RBFOX1: variants seen among roughly 807,000 people sequenced by gnomAD.
RBFOX1 encodes the protein RNA binding fox-1 homolog 1.
Under a neutral mutation model 57.7 loss-of-function variants are expected in RBFOX1, and 8 were observed. The ratio of observed to expected loss-of-function variants is 0.14; its 90% confidence interval spans 0.08 to 0.25. The LOEUF (loss-of-function observed/expected upper bound fraction) is 0.25. Ranked by LOEUF, RBFOX1 falls within the 10% of genes least tolerant of loss-of-function variation. RBFOX1 has a pLI of 1.00. For synonymous variants in RBFOX1, 326 were observed against 222.4 expected (o/e 1.47, Z -4.15); for missense variants, 611 against 548.5 (o/e 1.11, Z -1.14).
chr16:6,544,197 G>C (rs1429386041), intron 2 of RBFOX1, among the ~76,000 whole-genome samples: 1 of 152,138 alleles, frequency 6.6e-6, no homozygotes, highest in Non-Finnish European at 1.5e-5. Context: ...CTGTTGAACA[G>C]GCATTCACTT....
intron 12 of RBFOX1, among the ~76,000 whole-genome samples, chr16:7,654,846 C>G (rs1327643868): frequency 6.6e-6 from 1 of 152,136 alleles, no homozygotes; most frequent in Non-Finnish European, 1.5e-5. Flanking sequence ...ATGCTATGTC[C>G]TCTATTGGGT....
intron 4 of RBFOX1, among the ~76,000 whole-genome samples, chr16:7,235,915 G>A (rs1603425827): frequency 6.6e-6 from 1 of 152,142 alleles, no homozygotes; most frequent in East Asian, 1.9e-4. Context: ...GCCCTCCTGT[G>A]AATGTTCTCT....
chr16:6,826,905 C>T (rs2092219799), intron 3 of RBFOX1, among the ~76,000 whole-genome samples: 1 of 152,124 alleles, frequency 6.6e-6, no homozygotes, highest in Non-Finnish European at 1.5e-5. Context: ...CGAATAAAAT[C>T]TGAATCTCTG....
chr16:6,824,593 A>C (rs1404737998), intron 3 of RBFOX1, among the ~76,000 whole-genome samples: 1 of 152,186 alleles, frequency 6.6e-6, no homozygotes, highest in Non-Finnish European at 1.5e-5. Flanking sequence ...CTGTAAGTTA[A>C]AGGTGTGCTG....
chr16:7,706,012 C>A (rs988118614), intron 14 of RBFOX1, among the ~76,000 whole-genome samples: 1 of 152,164 alleles, frequency 6.6e-6, no homozygotes. Flanking sequence ...CTCTTCCCAT[C>A]ATTCCTGTGG....
At chr16:7,567,221 A>G (rs2091942127) in intron 5 of RBFOX1, among the ~76,000 whole-genome samples, 1 of 45,978 alleles carries the variant, frequency 2.2e-5, no homozygotes, top group Non-Finnish European at 4.7e-5. Flanking sequence ...ATATCCATAT[A>G]TATATCCCTA....
intron 3 of RBFOX1, among the ~76,000 whole-genome samples, chr16:5,781,055 T>A (rs1482392543): frequency 6.6e-6 from 1 of 152,194 alleles, no homozygotes; most frequent in Admixed American, 6.5e-5. Flanking sequence ...CTGTTAAACT[T>A]GGGTTTGGCA....
intron 3 of RBFOX1, among the ~76,000 whole-genome samples, chr16:6,679,905 T>C (rs977373302): frequency 4.9e-5 from 6 of 123,096 alleles, no homozygotes; most frequent in South Asian, 2.5e-4. Flanking sequence ...TTTTTTTTTT[T>C]CATACTTTTC....
chr16:7,052,165 G>C, intron 4 of RBFOX1, 67 bp downstream of exon 4: 1 of 1,562,058 alleles, frequency 6.4e-7, no homozygotes, highest in Non-Finnish European at 8.6e-7. Flanking sequence ...AAATTTCCTT[G>C]TCTCTCCCAA....
At chr16:6,536,860 G>A (rs967602232) in intron 2 of RBFOX1, among the ~76,000 whole-genome samples, 1 of 152,164 alleles carries the variant, frequency 6.6e-6, no homozygotes, top group African/African-American at 2.4e-5. Context: ...ATTAAATAAT[G>A]ATAACATTTT....
chr16:6,270,702 A>G (rs893258978), intron 1 of RBFOX1, among the ~76,000 whole-genome samples: 2 of 152,190 alleles, frequency 1.3e-5, no homozygotes, highest in African/African-American at 2.4e-5. Context: ...ATAAAGAACA[A>G]TGCAACCATT....
chr16:5,481,830 C>T (rs8059752), intron 2 of RBFOX1, among the ~76,000 whole-genome samples: 6 of 152,080 alleles, frequency 3.9e-5, no homozygotes, highest in Non-Finnish European at 7.3e-5. Flanking sequence ...GCCTTCTGAC[C>T]GTGTCTCCAC....
At chr16:7,411,951 C>G (rs569738883) in intron 4 of RBFOX1, among the ~76,000 whole-genome samples, 12 of 147,954 alleles carry the variant, frequency 8.1e-5, no homozygotes, top group African/African-American at 2.7e-4. Context: ...GAAACTATCA[C>G]AGACAAGAAG....
intron 2 of RBFOX1, among the ~76,000 whole-genome samples, chr16:6,509,687 T>C (rs1002994942): frequency 6.6e-6 from 1 of 152,176 alleles, no homozygotes; most frequent in Non-Finnish European, 1.5e-5. Context: ...TAAAAGAGTA[T>C]AATCGGATTG....
chr16:7,230,864 C>G (rs1201310679), intron 4 of RBFOX1, among the ~76,000 whole-genome samples: 1 of 152,144 alleles, frequency 6.6e-6, no homozygotes. Flanking sequence ...CATTTTATTC[C>G]TGGACTATAG....
intron 2 of RBFOX1, among the ~76,000 whole-genome samples, chr16:6,511,758 G>T (rs569840515): frequency 6.6e-6 from 1 of 152,206 alleles, no homozygotes. Context: ...TTTATAAGAA[G>T]ACATTGTCCA....
chr16:7,628,813 A>C (rs527866493), intron 10 of RBFOX1, among the ~76,000 whole-genome samples: 4 of 152,220 alleles, frequency 2.6e-5, no homozygotes, highest in African/African-American at 9.6e-5. Context: ...GGATTTCACC[A>C]TGTTGGCCAG....
At chr16:7,523,889 A>G (rs1600825711) in intron 5 of RBFOX1, among the ~76,000 whole-genome samples, 1 of 152,260 alleles carries the variant, frequency 6.6e-6, no homozygotes, top group East Asian at 1.9e-4. Flanking sequence ...GCCTCCTCCT[A>G]CATTTATGGG....
At chr16:5,356,104 G>C (rs1257269262) in intron 1 of RBFOX1, among the ~76,000 whole-genome samples, 1 of 152,114 alleles carries the variant, frequency 6.6e-6, no homozygotes, top group East Asian at 1.9e-4. Flanking sequence ...TAAAAATAAA[G>C]GAAGACGTGA....
Sources: gnomAD v4.1 joint callset for allele counts (sites outside exome capture counted in the v4.1 genomes callset) on GRCh38, gnomAD v4.1.1 for gene constraint, MANE v1.5 for transcripts, NCBI Gene and HGNC (gene_info 2026-07-23, HGNC 2026-07-21) for gene names.